The following PRKG1 variants were observed in gnomAD, a reference collection of about 807,000 sequenced individuals.
PRKG1 encodes cGMP-dependent protein kinase 1.
In PRKG1, 35 loss-of-function variants were observed where a neutral mutation model predicts 88.1. The ratio of observed to expected loss-of-function variants is 0.40; its 90% CI spans 0.30 to 0.53. The LOEUF is 0.53. PRKG1 is among the 20% of genes least tolerant of loss of function. PRKG1 has a pLI of 0.59. For missense variants in PRKG1, 540 were observed against 839.8 expected (o/e 0.64, Z 4.41); for synonymous variants, 303 against 292.5 (o/e 1.04, Z -0.37).
chr10:51,316,669 C>G (rs191117271), intron 2 of PRKG1, among the ~76,000 whole-genome samples: 1 of 145,396 alleles, frequency 6.9e-6, no homozygotes, highest in Non-Finnish European at 1.6e-5. Context: ...GCGACAAGAG[C>G]AAGACTCCGT....
At chr10:51,106,970 T>G (rs146152656) in intron 1 of PRKG1, among the ~76,000 whole-genome samples, 12 of 152,156 alleles carry the variant, frequency 7.9e-5, no homozygotes, top group African/African-American at 1.4e-4. Flanking sequence ...AAAATACAAG[T>G]AAGTGAATGC....
intron 2 of PRKG1, among the ~76,000 whole-genome samples, chr10:51,341,681 G>A (rs1307736538): frequency 6.6e-6 from 1 of 152,182 alleles, no homozygotes; most frequent in East Asian, 1.9e-4. Flanking sequence ...GTGACTTAAA[G>A]GAACAAGAGA....
intron 3 of PRKG1, among the ~76,000 whole-genome samples, chr10:51,587,353 A>G (rs1465850377): frequency 1.3e-5 from 2 of 152,190 alleles, no homozygotes; most frequent in Non-Finnish European, 2.9e-5. Context: ...GTGTATTTGC[A>G]TAGTTGTAAA....
chr10:51,124,533 T>C (rs1845348279), intron 1 of PRKG1, among the ~76,000 whole-genome samples: 1 of 152,168 alleles, frequency 6.6e-6, no homozygotes, highest in Admixed American at 6.6e-5. Flanking sequence ...ATAACTCACA[T>C]GATTTTGATC....
chr10:52,166,839 G>GTGTATATATATGTATATATATGTA (rs1554812323), intron 9 of PRKG1, among the ~76,000 whole-genome samples: 2 of 90,484 alleles, frequency 2.2e-5, no homozygotes, highest in Non-Finnish European at 4.1e-5. Context: ...GTATATATAT[G>GTGTATATATATGTATATATATGTA]TATATATATG....
At chr10:51,434,832 C>T (rs1246369074) in intron 2 of PRKG1, among the ~76,000 whole-genome samples, 2 of 152,016 alleles carry the variant, frequency 1.3e-5, no homozygotes, top group Admixed American at 1.3e-4. Flanking sequence ...ATGTCTCTTA[C>T]CTGTGTGAGC....
At chr10:51,381,485 G>C (rs1002827620) in intron 2 of PRKG1, among the ~76,000 whole-genome samples, 5 of 151,826 alleles carry the variant, frequency 3.3e-5, no homozygotes, top group Non-Finnish European at 5.9e-5. Flanking sequence ...GAGCTTAGTT[G>C]CTAAATGAGT....
In PRKG1 at chr10:51,141,055, C is replaced by A. The variant is rs192784735; in HGVS notation, c.312-12109C>A. ...GATTAATTCTTTAAACTGTTTCTCT[C>A]TAGACCACAGTTTTGCTCAGTGTCC... is the stretch of plus-strand genomic sequence containing the variant. On this transcript the variant is annotated intron_variant, in intron 1 of 17. Coordinates refer to ENST00000373980, the MANE Select transcript of PRKG1 (RefSeq NM_006258.4). Among the ~76,000 whole-genome samples, 708 of 152,264 alleles carry A rather than the reference C, an allele frequency of 4.6e-3. 2 individuals are homozygous for A. The highest frequency in any genetic ancestry group is 0.016 in the African/African-American group (667 of 41,548).
intron 1 of PRKG1, among the ~76,000 whole-genome samples, chr10:51,056,360 C>A (rs910795478): frequency 7.6e-6 from 1 of 131,986 alleles, no homozygotes; most frequent in African/African-American, 2.7e-5. Flanking sequence ...AAAGTTGTAC[C>A]TGGTTACACA....
At chr10:51,698,985 T>C (rs746112702) in intron 3 of PRKG1, 2 of 1,614,240 alleles carry the variant, frequency 1.2e-6, no homozygotes, top group Non-Finnish European at 1.7e-6. Context: ...TGCAGAATTT[T>C]CAGAGCAATC....
At chr10:51,076,777 G>T (rs1037853106) in intron 1 of PRKG1, among the ~76,000 whole-genome samples, 5 of 152,076 alleles carry the variant, frequency 3.3e-5, no homozygotes. Flanking sequence ...AAATAAAGCT[G>T]GTGTGGCAAA....
At chr10:51,305,865 C>T (rs1220287883) in intron 2 of PRKG1, among the ~76,000 whole-genome samples, 2 of 152,092 alleles carry the variant, frequency 1.3e-5, no homozygotes, top group African/African-American at 4.8e-5. Context: ...ATATGGAGGG[C>T]TTTTGTAATC....
intron 9 of PRKG1, among the ~76,000 whole-genome samples, chr10:52,224,692 T>A (rs1470210785): frequency 6.6e-6 from 1 of 150,742 alleles, no homozygotes; most frequent in East Asian, 2.0e-4. Context: ...TGAGAACATA[T>A]GATGTTTGAT....
At chr10:51,222,068 G>A (rs1280582087) in intron 2 of PRKG1, among the ~76,000 whole-genome samples, 10 of 151,508 alleles carry the variant, frequency 6.6e-5, no homozygotes, top group Non-Finnish European at 1.5e-4. Flanking sequence ...TTAGACACGG[G>A]GTTTCACCAC....
Position 51,370,512 on chromosome 10 carries a change from A to ATGTG in PRKG1, c.479-97193_479-97190dup, listed in dbSNP as rs34743767. Among the ~76,000 whole-genome samples the ATGTG allele has an allele frequency of 9.6e-3, 1,403 of 146,872 alleles. 9 individuals carry two copies. Among genetic ancestry groups the ATGTG allele is most frequent in the African/African-American group, 0.013 (528 of 39,912 alleles). On this transcript the variant is annotated intron_variant, in intron 2 of 17. Transcript: ENST00000373980. ...AGAGAGAGAGTGTGTGTGTGTGTGT[A>ATGTG]TGTGTGTGTGTGTGTGTGTGTAAGG...
intron 3 of PRKG1, among the ~76,000 whole-genome samples, chr10:51,672,252 C>A (rs1840602474): frequency 6.6e-6 from 1 of 152,002 alleles, no homozygotes; most frequent in Admixed American, 6.6e-5. Context: ...CCTTCTTACC[C>A]TTAATCTTCC....
At chr10:51,611,495 C>G (rs529711444) in intron 3 of PRKG1, among the ~76,000 whole-genome samples, 1 of 140,010 alleles carries the variant, frequency 7.1e-6, no homozygotes, top group Non-Finnish European at 1.6e-5. Flanking sequence ...AAAAAAAAAA[C>G]GTTAAATTGT....
chr10:51,656,439 A>G (rs1840162818), intron 3 of PRKG1, among the ~76,000 whole-genome samples: 1 of 152,130 alleles, frequency 6.6e-6, no homozygotes, highest in Non-Finnish European at 1.5e-5. Flanking sequence ...CCCATCATGT[A>G]TAGTGTGTTA....
intron 8 of PRKG1, among the ~76,000 whole-genome samples, chr10:52,149,315 A>G (rs566500308): frequency 2.0e-5 from 3 of 152,130 alleles, no homozygotes; most frequent in African/African-American, 7.2e-5. Flanking sequence ...AATGAAAATC[A>G]TATTAAATAG....
Sources: gnomAD v4.1 joint callset for allele counts (sites outside exome capture counted in the v4.1 genomes callset) on GRCh38, gnomAD v4.1.1 for gene constraint, MANE v1.5 for transcripts, NCBI Gene and HGNC (gene_info 2026-07-23, HGNC 2026-07-21) for gene names.